The following SEM1 variants were observed in gnomAD, a reference collection of about 807,000 sequenced individuals.
SEM1 encodes the protein 26S proteasome complex subunit SEM1.
In SEM1, 3 loss-of-function variants were observed where a neutral mutation model predicts 12.7. The ratio of observed to expected loss-of-function variants is 0.24; its 90% CI spans 0.11 to 0.61. The LOEUF (loss-of-function observed/expected upper bound fraction) is 0.61. Among genes scored for constraint, SEM1 ranks in the 20% least tolerant of loss-of-function variants. SEM1 has a pLI of 0.88. For synonymous variants in SEM1, 30 were observed against 27.8 expected, an observed-to-expected ratio of 1.08 and a Z score of -0.25; for missense variants, 59 against 81.3, an observed-to-expected ratio of 0.73 and a Z score of 1.06.
At chr7:96,672,125 T>A (rs1789332525), downstream of SEM1, among the ~76,000 whole-genome samples, 1 of 152,180 alleles carries the variant, frequency 6.6e-6, no homozygotes, top group Non-Finnish European at 1.5e-5. Context: ...GAAAATTATT[T>A]ACTGAACATC....
chr7:96,496,685 T>C (rs1413713859), upstream of SEM1, among the ~76,000 whole-genome samples: 1 of 152,202 alleles, frequency 6.6e-6, no homozygotes, highest in Admixed American at 6.5e-5. Flanking sequence ...TAGACATATA[T>C]ACTACAGTTT....
At chr7:96,684,072 G>C (rs1050600904), downstream of SEM1, among the ~76,000 whole-genome samples, 1 of 151,878 alleles carries the variant, frequency 6.6e-6, no homozygotes, top group Non-Finnish European at 1.5e-5. Flanking sequence ...TTTTACAGGA[G>C]GCCTTGTCCT....
chr7:96,638,137 C>T (rs1808483984), intron 2 of SEM1, among the ~76,000 whole-genome samples: 1 of 152,036 alleles, frequency 6.6e-6, no homozygotes, highest in Non-Finnish European at 1.5e-5. Context: ...CCTTCTTCAC[C>T]TCGTTCCTCC....
downstream of SEM1, among the ~76,000 whole-genome samples, chr7:96,670,536 T>G (rs1472174032): frequency 6.6e-6 from 1 of 152,150 alleles, no homozygotes; most frequent in Non-Finnish European, 1.5e-5. Context: ...TGGAGGGTGG[T>G]GTAATCAAAT....
At chr7:96,575,437 A>G (rs921269647) in intron 2 of SEM1, among the ~76,000 whole-genome samples, 4 of 152,182 alleles carry the variant, frequency 2.6e-5, no homozygotes, top group Non-Finnish European at 4.4e-5. Context: ...GACAGGAGGC[A>G]TGGGGGTCAG....
chr7:96,709,562 AG>A, intron 1 of SEM1, 125 bp downstream of exon 1: 1 of 835,030 alleles, frequency 1.2e-6, no homozygotes, highest in Non-Finnish European at 2.0e-6. Flanking sequence ...TAGCGCCTCG[AG>A]TGCCGGCCCT....
At chr7:96,521,277 T>C (rs141253398) in intron 2 of SEM1, among the ~76,000 whole-genome samples, 1 of 152,192 alleles carries the variant, frequency 6.6e-6, no homozygotes, top group African/African-American at 2.4e-5. Context: ...AGGATGTAGG[T>C]TGTTATTCAG....
intron 1 of SEM1, among the ~76,000 whole-genome samples, chr7:96,491,412 A>G (rs768120707): frequency 1.3e-5 from 2 of 152,188 alleles, no homozygotes; most frequent in Non-Finnish European, 2.9e-5. Context: ...CTATCAATGA[A>G]CTGAGAGGAC....
chr7:96,685,127 C>A (rs145766729), downstream of SEM1, among the ~76,000 whole-genome samples: 1 of 152,030 alleles, frequency 6.6e-6, no homozygotes, highest in Non-Finnish European at 1.5e-5. Flanking sequence ...ACAGTGCAGA[C>A]GACAACATGC....
downstream of SEM1, among the ~76,000 whole-genome samples, chr7:96,621,068 T>C (rs1807878288): frequency 6.6e-6 from 1 of 152,128 alleles, no homozygotes; most frequent in Non-Finnish European, 1.5e-5. Context: ...GTATAAAATT[T>C]GTATTCATTA....
At chr7:96,678,534 C>T (rs1349123949) in intron 2 of SEM1, among the ~76,000 whole-genome samples, 1 of 152,054 alleles carries the variant, frequency 6.6e-6, no homozygotes, top group African/African-American at 2.4e-5. Context: ...AGAAAGGCAG[C>T]AGAATCAAGT....
chr7:96,638,179 A>C (rs927941867), intron 2 of SEM1, among the ~76,000 whole-genome samples: 1 of 152,070 alleles, frequency 6.6e-6, no homozygotes, highest in African/African-American at 2.4e-5. Flanking sequence ...TTTGTGATGA[A>C]GACTTTTCTC....
intron 2 of SEM1, chr7:96,649,440 G>A (rs1242881678): frequency 6.6e-6 from 1 of 152,122 alleles, no homozygotes; most frequent in East Asian, 1.9e-4. Context: ...AGGAAATTAA[G>A]ATAATTTTTC....
chr7:96,509,903 G>A (rs966144366), intron 2 of SEM1, among the ~76,000 whole-genome samples: 11 of 151,878 alleles, frequency 7.2e-5, no homozygotes, highest in African/African-American at 2.7e-4. Context: ...GGGAGGGGAG[G>A]AACAAGAAAT....
At chr7:96,646,554 A>T (rs1368540190) in intron 2 of SEM1, among the ~76,000 whole-genome samples, 1 of 152,194 alleles carries the variant, frequency 6.6e-6, no homozygotes, top group East Asian at 1.9e-4. Flanking sequence ...CTATACATGT[A>T]AGATTTTTTG....
chr7:96,625,613 A>G (rs1808036926), intron 2 of SEM1, among the ~76,000 whole-genome samples: 1 of 152,212 alleles, frequency 6.6e-6, no homozygotes, highest in South Asian at 2.1e-4. Flanking sequence ...CCCTTGTGGA[A>G]GCAGTGCTAC....
Position 96,592,854 on chromosome 7 carries a change from C to T in SEM1, c.171-86156G>A, listed in dbSNP as rs557010514. Among the ~76,000 whole-genome samples the T allele has an allele frequency of 5.3e-5, 8 of 152,040 alleles. No individual in the cohort carries two copies. In the South Asian group the frequency reaches 1.7e-3, roughly 32 times the overall value. ...GTCGAAGGGTTCATATTATACAACT[C>T]AGGGGGCATGTTTGTTAGCTGGTAA... On this transcript the variant is annotated intron_variant and NMD_transcript_variant, in intron 2 of 3. Transcript: ENST00000466986.
intron 2 of SEM1, among the ~76,000 whole-genome samples, chr7:96,589,229 T>C (rs1447613062): frequency 6.6e-6 from 1 of 152,112 alleles, no homozygotes; most frequent in African/African-American, 2.4e-5. Flanking sequence ...CTCATTCTGC[T>C]TGGCTGCCTC....
intron 1 of SEM1, among the ~76,000 whole-genome samples, chr7:96,707,587 TAAAC>T (rs1485927500): frequency 6.6e-6 from 1 of 152,254 alleles, no homozygotes; most frequent in Non-Finnish European, 1.5e-5. Context: ...TTAATGTTAA[TAAAC>T]AAGTCTGTTG....
Sources: allele counts gnomAD v4.1 joint callset (sites outside exome capture counted in the v4.1 genomes callset), GRCh38; gene constraint gnomAD v4.1.1; transcripts MANE v1.5; gene names NCBI Gene and HGNC (gene_info 2026-07-23, HGNC 2026-07-21).